Variants in MYO3B observed in about 807,000 individuals in gnomAD.
The protein encoded by MYO3B is myosin-IIIb.
Under a neutral mutation model 174.6 loss-of-function variants are expected in MYO3B, and 156 were observed. That is an observed-to-expected ratio of 0.89 (90% CI 0.78 to 1.02). MYO3B has a LOEUF of 1.02. Among genes scored for constraint, MYO3B ranks in the 50% least tolerant of loss-of-function variants. MYO3B has a pLI of 0.00. For missense variants in MYO3B, 1,632 were observed against 1,639.4 expected, an observed-to-expected ratio of 1.00 and a Z score of 0.08; for synonymous variants, 563 against 569.1, an observed-to-expected ratio of 0.99 and a Z score of 0.15.
chr2:170,281,395 G>T (rs1376639501), intron 7 of MYO3B, among the ~76,000 whole-genome samples: 2 of 152,046 alleles, frequency 1.3e-5, no homozygotes, highest in Non-Finnish European at 2.9e-5. Flanking sequence ...AAATGCAAAA[G>T]AACCAAAATC....
At chr2:170,563,328 C>G (rs895550733) in intron 32 of MYO3B, among the ~76,000 whole-genome samples, 5 of 152,104 alleles carry the variant, frequency 3.3e-5, no homozygotes, top group Non-Finnish European at 1.5e-5. Context: ...GCCATTACCA[C>G]ATACACGTAA....
At chr2:170,366,611 T>C (rs1381934415) in intron 8 of MYO3B, among the ~76,000 whole-genome samples, 2 of 152,192 alleles carry the variant, frequency 1.3e-5, no homozygotes, top group Non-Finnish European at 2.9e-5. Context: ...TTCTTGATCA[T>C]TGCTTCCAGA....
chr2:170,555,136 T>G (rs1243370991), intron 32 of MYO3B, among the ~76,000 whole-genome samples: 1 of 152,240 alleles, frequency 6.6e-6, no homozygotes, highest in Non-Finnish European at 1.5e-5. Context: ...GAGTAATTTT[T>G]GGCTTACAGA....
intron 32 of MYO3B, among the ~76,000 whole-genome samples, chr2:170,597,727 G>T (rs1176628385): frequency 1.3e-5 from 2 of 152,196 alleles, no homozygotes; most frequent in Admixed American, 1.3e-4. Context: ...CAAGGCGAAT[G>T]AATCTTCTGG....
intron 22 of MYO3B, among the ~76,000 whole-genome samples, chr2:170,413,013 C>T (rs185147450): frequency 6.6e-6 from 1 of 152,244 alleles, no homozygotes; most frequent in Admixed American, 6.5e-5. Flanking sequence ...CTAGAAGTAA[C>T]ACAACAAAGT....
At chr2:170,304,885 A>G (rs926649413) in intron 7 of MYO3B, among the ~76,000 whole-genome samples, 4 of 150,044 alleles carry the variant, frequency 2.7e-5, no homozygotes, top group African/African-American at 7.4e-5. Flanking sequence ...TTGGCCTTCT[A>G]ATTTTGTTTA....
Position 170,543,980 on chromosome 2 carries a change from A to G in MYO3B, c.3725A>G (p.Gln1242Arg). ...QQGLSLWGAP[Q>R]KPGSENGLAQ... ...GGATTGAGTCTCTGGGGAGCCCCTCAAAAGCCTGGTAAGAAGAACGTTTTG... is the reference window on the plus strand; with the variant it reads ...GGATTGAGTCTCTGGGGAGCCCCTCGAAAGCCTGGTAAGAAGAACGTTTTG... Residue 1242 changes from glutamine (Q) to arginine (R), a missense_variant, in exon 32 of 35, where the codon CAA becomes CGA. By Grantham distance (43) the Gln-to-Arg change is conservative (BLOSUM62 1). Coordinates refer to ENST00000408978, the MANE Select transcript of MYO3B (RefSeq NM_138995.5). The G allele has an allele frequency of 1.2e-6, 2 of 1,612,076 alleles. No homozygotes were observed. The highest frequency in any genetic ancestry group is 1.7e-4 in the Middle Eastern group (1 of 6,048).
At chr2:170,446,821 G>C (rs1205649003) in intron 23 of MYO3B, among the ~76,000 whole-genome samples, 1 of 152,154 alleles carries the variant, frequency 6.6e-6, no homozygotes, top group Admixed American at 6.5e-5. Context: ...TTTAATATAA[G>C]TTTTAGATGA....
intron 23 of MYO3B, among the ~76,000 whole-genome samples, chr2:170,462,310 T>C (rs1318914475): frequency 6.6e-6 from 1 of 152,226 alleles, no homozygotes; most frequent in Non-Finnish European, 1.5e-5. Flanking sequence ...ATAGGTTGTT[T>C]TTCTAGGTTT....
chr2:170,368,346 T>G (rs1018898096), intron 8 of MYO3B, among the ~76,000 whole-genome samples: 1 of 152,194 alleles, frequency 6.6e-6, no homozygotes, highest in African/African-American at 2.4e-5. Flanking sequence ...TTAAAATTTC[T>G]TCCTCTCGCC....
At chr2:170,485,040 A>C (rs16858484) in intron 25 of MYO3B, among the ~76,000 whole-genome samples, 13,815 of 152,056 alleles carry the variant, frequency 0.091, 1,705 homozygotes, top group African/African-American at 0.28. Context: ...ATTGATATAC[A>C]TTGAGGGTCC....
chr2:170,222,463 C>T (rs1237166723), intron 6 of MYO3B, among the ~76,000 whole-genome samples: 2 of 152,158 alleles, frequency 1.3e-5, no homozygotes, highest in African/African-American at 4.8e-5. Context: ...CCTCTGAAGC[C>T]TCTAGGGGAG....
intron 7 of MYO3B, among the ~76,000 whole-genome samples, chr2:170,269,686 C>CT (rs2093412551): frequency 6.6e-6 from 1 of 152,144 alleles, no homozygotes; most frequent in Non-Finnish European, 1.5e-5. Context: ...TTAGGAAAAA[C>CT]TAACCAAAAG....
intron 6 of MYO3B, among the ~76,000 whole-genome samples, chr2:170,220,284 A>G (rs1180800900): frequency 1.3e-5 from 2 of 149,706 alleles, no homozygotes; most frequent in African/African-American, 2.5e-5. Context: ...AAAACAAAAC[A>G]ATCAAAAAAG....
intron 7 of MYO3B, among the ~76,000 whole-genome samples, chr2:170,274,224 G>A (rs928222612): frequency 6.6e-6 from 1 of 152,046 alleles, no homozygotes; most frequent in Admixed American, 6.6e-5. Context: ...GTTAGACGTA[G>A]GTGAGACAAT....
At chr2:170,464,804 A>G (rs1489074732) in intron 24 of MYO3B, among the ~76,000 whole-genome samples, 3 of 152,096 alleles carry the variant, frequency 2.0e-5, no homozygotes, top group Non-Finnish European at 4.4e-5. Context: ...GAGTGGCTCT[A>G]TCCTCATCTG....
At chr2:170,547,792 A>G (rs1256725985) in intron 32 of MYO3B, among the ~76,000 whole-genome samples, 2 of 152,342 alleles carry the variant, frequency 1.3e-5, no homozygotes, top group African/African-American at 4.8e-5. Flanking sequence ...GATAGACAAT[A>G]AACATTAAGC....
At chr2:170,608,888 T>TTAG (rs1350975399) in intron 32 of MYO3B, among the ~76,000 whole-genome samples, 13 of 152,238 alleles carry the variant, frequency 8.5e-5, no homozygotes, top group Non-Finnish European at 1.5e-5. Flanking sequence ...CCCCAGGCTG[T>TTAG]TAGCTATGTC....
chr2:170,446,714 G>A (rs1479021912), intron 23 of MYO3B, among the ~76,000 whole-genome samples: 3 of 152,116 alleles, frequency 2.0e-5, no homozygotes, highest in African/African-American at 7.2e-5. Context: ...TGTAAGTGTG[G>A]GGGAAAAGTA....
Sources: allele counts gnomAD v4.1 joint callset (sites outside exome capture counted in the v4.1 genomes callset), GRCh38; gene constraint gnomAD v4.1.1; transcripts MANE v1.5; gene names NCBI Gene and HGNC (gene_info 2026-07-23, HGNC 2026-07-21).